PLSCR4: variants seen among roughly 807,000 people sequenced by gnomAD.
PLSCR4 encodes the protein phospholipid scramblase 4.
In PLSCR4, 25 loss-of-function variants were observed where a neutral mutation model predicts 36.3. The ratio of observed to expected loss-of-function variants is 0.69; its 90% CI spans 0.50 to 0.96. The LOEUF is 0.96. Among genes scored for constraint, PLSCR4 ranks in the 40% least tolerant of loss-of-function variants. PLSCR4 has a pLI of 0.00. For synonymous variants in PLSCR4, 122 were observed against 132.9 expected (o/e 0.92, Z 0.56); for missense variants, 408 against 414.7 (o/e 0.98, Z 0.14).
At chr3:146,227,143 T>A (rs2035512998) in intron 1 of PLSCR4, among the ~76,000 whole-genome samples, 1 of 152,208 alleles carries the variant, frequency 6.6e-6, no homozygotes, top group Non-Finnish European at 1.5e-5. Flanking sequence ...AAAAGTGCCG[T>A]ATCTTGAAAA....
At chr3:146,241,585 T>C (rs1576498301) in intron 1 of PLSCR4, among the ~76,000 whole-genome samples, 1 of 152,066 alleles carries the variant, frequency 6.6e-6, no homozygotes, top group Non-Finnish European at 1.5e-5. Flanking sequence ...TGAGGACTTT[T>C]ACACTCCATT....
chr3:146,240,084 C>T (rs2036088822), intron 1 of PLSCR4, among the ~76,000 whole-genome samples: 1 of 151,944 alleles, frequency 6.6e-6, no homozygotes, highest in South Asian at 2.1e-4. Context: ...AGGACATCAT[C>T]AAGAAAATGA....
chr3:146,242,533 G>A (rs1185181484), intron 1 of PLSCR4, among the ~76,000 whole-genome samples: 1 of 152,146 alleles, frequency 6.6e-6, no homozygotes, highest in Non-Finnish European at 1.5e-5. Flanking sequence ...CAACAGGACT[G>A]GGCCCAGTAG....
At chr3:146,215,049 C>T (rs1304316957) in intron 3 of PLSCR4, among the ~76,000 whole-genome samples, 1 of 151,748 alleles carries the variant, frequency 6.6e-6, no homozygotes, top group African/African-American at 2.4e-5. Context: ...TAATTTTTTC[C>T]TCAAAGTATG....
intron 1 of PLSCR4, among the ~76,000 whole-genome samples, chr3:146,232,627 T>C (rs2035757881): frequency 6.6e-6 from 1 of 152,210 alleles, no homozygotes; most frequent in Non-Finnish European, 1.5e-5. Flanking sequence ...GCATTCTTGA[T>C]TTGGTTCCTG....
At chr3:146,195,363 A>G in intron 7 of PLSCR4, 81 bp from the exon 8 acceptor site, 1 of 1,100,372 alleles carries the variant, frequency 9.1e-7, no homozygotes, top group Non-Finnish European at 1.4e-6. Context: ...TTCAGATAAC[A>G]TAAATACAAT....
intron 4 of PLSCR4, 114 bp downstream of exon 4, chr3:146,206,412 A>G (rs1308155837): frequency 2.9e-6 from 2 of 701,156 alleles, no homozygotes; most frequent in Non-Finnish European, 5.0e-6. Context: ...CACAAATGGC[A>G]TCTGTCATCA....
At chr3:146,236,455 G>A (rs780888263) in intron 1 of PLSCR4, among the ~76,000 whole-genome samples, 20 of 152,066 alleles carry the variant, frequency 1.3e-4, no homozygotes, top group African/African-American at 3.1e-4. Flanking sequence ...TGTCCCCACC[G>A]AAATTTCATA....
At chr3:146,235,131 G>A (rs148894208) in intron 1 of PLSCR4, among the ~76,000 whole-genome samples, 2 of 152,280 alleles carry the variant, frequency 1.3e-5, no homozygotes, top group African/African-American at 2.4e-5. Context: ...CTCCACTGAT[G>A]TGGAAAAAGA....
At chr3:146,197,956 A>G (rs1485540982) in intron 6 of PLSCR4, among the ~76,000 whole-genome samples, 1 of 152,184 alleles carries the variant, frequency 6.6e-6, no homozygotes, top group Non-Finnish European at 1.5e-5. Flanking sequence ...AAAATGTACA[A>G]AAATAAATTC....
At chr3:146,196,229 C>T (rs962065116) in intron 7 of PLSCR4, among the ~76,000 whole-genome samples, 3 of 152,024 alleles carry the variant, frequency 2.0e-5, no homozygotes, top group African/African-American at 7.2e-5. Context: ...TTTCCACAGC[C>T]TAAGGAGTAC....
chr3:146,237,898 GC>G (rs2107840324), intron 1 of PLSCR4, among the ~76,000 whole-genome samples: 1 of 151,680 alleles, frequency 6.6e-6, no homozygotes, highest in Admixed American at 6.6e-5. Context: ...AATCAAAAAA[GC>G]TAAAAATTGT....
At chr3:146,225,528 G>C (rs879444100) in intron 1 of PLSCR4, among the ~76,000 whole-genome samples, 10 of 152,192 alleles carry the variant, frequency 6.6e-5, no homozygotes, top group East Asian at 1.9e-4. Flanking sequence ...GCCCATGGAG[G>C]GGGTGGGAGG....
intron 1 of PLSCR4, among the ~76,000 whole-genome samples, chr3:146,234,653 AAAAC>A (rs1053647811): frequency 1.4e-4 from 21 of 152,144 alleles, no homozygotes; most frequent in African/African-American, 4.1e-4. Flanking sequence ...TTCTGGCTGA[AAAAC>A]AAAATAGGAG....
intron 1 of PLSCR4, among the ~76,000 whole-genome samples, chr3:146,236,673 G>A (rs1312120217): frequency 6.6e-6 from 1 of 152,246 alleles, no homozygotes; most frequent in East Asian, 1.9e-4. Flanking sequence ...CACCATGATT[G>A]TGAGGTCTCC....
At chr3:146,237,784 T>C (rs2035978223) in intron 1 of PLSCR4, among the ~76,000 whole-genome samples, 2 of 151,734 alleles carry the variant, frequency 1.3e-5, no homozygotes, top group South Asian at 2.1e-4. Flanking sequence ...AACATAATCT[T>C]TCTCTGTAAA....
At chr3:146,209,312 G>A (rs865875317) in intron 3 of PLSCR4, among the ~76,000 whole-genome samples, 1 of 151,994 alleles carries the variant, frequency 6.6e-6, no homozygotes, top group African/African-American at 2.4e-5. Flanking sequence ...ATTGGGTTCA[G>A]TGTATACTGC....
chr3:146,245,117 T>C (rs1435906313), intron 1 of PLSCR4, among the ~76,000 whole-genome samples: 5 of 152,034 alleles, frequency 3.3e-5, no homozygotes, highest in African/African-American at 4.8e-5. Flanking sequence ...AAGTGAAGCA[T>C]GAAGATGTTA....
At chr3:146,198,972 T>TA (rs1196562445) in intron 6 of PLSCR4, among the ~76,000 whole-genome samples, 2 of 152,186 alleles carry the variant, frequency 1.3e-5, no homozygotes, top group Non-Finnish European at 2.9e-5. Context: ...AGAATTGACT[T>TA]AATCCCTAAA....
Sources: gnomAD v4.1 joint callset for allele counts (sites outside exome capture counted in the v4.1 genomes callset) on GRCh38, gnomAD v4.1.1 for gene constraint, MANE v1.5 for transcripts, NCBI Gene and HGNC (gene_info 2026-07-23, HGNC 2026-07-21) for gene names.